The following ATF3 variants were observed in gnomAD, a reference collection of about 807,000 sequenced individuals.
ATF3 encodes the protein cyclic AMP-dependent transcription factor ATF-3.
ATF3 carries 10 observed loss-of-function variants against 18.4 expected under a neutral mutation model. That is an observed-to-expected ratio of 0.54 (90% CI 0.34 to 0.92). The LOEUF is 0.92. Among genes scored for constraint, ATF3 ranks in the 40% least tolerant of loss-of-function variants. The probability of loss-of-function intolerance (pLI) is 0.02; values close to 1 mark genes in which losing one functional copy is unlikely to be tolerated. For missense variants in ATF3, 183 were observed against 222.3 expected, an observed-to-expected ratio of 0.82 and a Z score of 1.12; for synonymous variants, 78 against 87.9, an observed-to-expected ratio of 0.89 and a Z score of 0.63.
intron 1 of ATF3, among the ~76,000 whole-genome samples, chr1:212,575,211 T>A (rs1241534962): frequency 6.6e-6 from 1 of 152,146 alleles, no homozygotes; most frequent in East Asian, 1.9e-4. Flanking sequence ...TTAGGTCTTC[T>A]TGTATTTTAT....
chr1:212,588,885 A>G (rs1443369988), intron 1 of ATF3, among the ~76,000 whole-genome samples: 2 of 152,256 alleles, frequency 1.3e-5, no homozygotes, highest in African/African-American at 2.4e-5. Flanking sequence ...AAATGATGCC[A>G]TATTTTAGTC....
chr1:212,615,253 A>G lies in ATF3; in HGVS notation c.232A>G (p.Lys78Glu). 1.2e-6 allele frequency: 2 copies of G among 1,613,806 alleles called. No individual in the cohort carries two copies. Among genetic ancestry groups the G allele is most frequent in the Non-Finnish European group, 1.7e-6 (2 of 1,179,734 alleles). ...CAGACCCCTCGGGGTGTCCATCACA[A>G]AAGCCGAGGTGGGTTCTATCACAGG... ...SDRPLGVSIT[K>E]AEVAPEEDER... Residue 78 changes from lysine to glutamate, a missense_variant, in exon 2 of 4, where the codon AAA (lysine) becomes GAA (glutamate). Physicochemically the swap from Lys to Glu is moderately conservative, Grantham distance 56. Coordinates refer to ENST00000341491, the MANE Select transcript of ATF3 (RefSeq NM_001674.4).
At chr1:212,565,691 G>A (rs752527276) in intron 1 of ATF3, among the ~76,000 whole-genome samples, 1 of 152,146 alleles carries the variant, frequency 6.6e-6, no homozygotes, top group Admixed American at 6.5e-5. Context: ...GAAAAGTCCT[G>A]GAGTTAGGGT....
intron 1 of ATF3, among the ~76,000 whole-genome samples, chr1:212,594,447 G>A (rs993728035): frequency 2.4e-4 from 37 of 152,308 alleles, no homozygotes; most frequent in African/African-American, 8.9e-4. Context: ...ATTTTCCAGA[G>A]TTGGCATTGT....
chr1:212,620,075 A>G lies in ATF3; in HGVS notation c.*520A>G, dbSNP rs891037156. The stretch of plus-strand genomic sequence containing the variant: ...ATTGTGTGTGCAAGAAAACTAGGCA[A>G]TGTACTCTTCCGATGTTTGTGTCAC... On this transcript the variant is annotated 3_prime_UTR_variant, in exon 4 of 4. Transcript: ENST00000341491. 10 of 181,840 alleles carry G rather than the reference A, an allele frequency of 5.5e-5. No homozygotes were observed. Among genetic ancestry groups the G allele is most frequent in the African/African-American group, 2.1e-4 (9 of 42,310 alleles). The allele number at this position is 181,840 out of a possible 1,614,324, so 11.3% of individuals were successfully genotyped here. A position where few individuals can be genotyped will look rare whatever the true frequency, so the allele number is the denominator to read the frequency against.
intron 1 of ATF3, among the ~76,000 whole-genome samples, chr1:212,588,570 G>A (rs1304724247): frequency 1.3e-5 from 2 of 152,078 alleles, no homozygotes; most frequent in African/African-American, 4.8e-5. Context: ...TTTTATCAAA[G>A]TAATACATGT....
chr1:212,616,785 C>T (rs1168176838), intron 2 of ATF3, among the ~76,000 whole-genome samples: 1 of 152,030 alleles, frequency 6.6e-6, no homozygotes, highest in Admixed American at 6.5e-5. Flanking sequence ...GAAGGTAAAG[C>T]TGATTTGCTG....
chr1:212,597,411 A>AT (rs1364127061), intron 1 of ATF3, among the ~76,000 whole-genome samples: 2 of 97,324 alleles, frequency 2.1e-5, no homozygotes, highest in African/African-American at 8.4e-5. Flanking sequence ...GTACTGAGTT[A>AT]CATCTATTTA....
chr1:212,614,875 A>C, intron 1 of ATF3, 143 bp from the exon 2 acceptor site: 1 of 1,472,250 alleles, frequency 6.8e-7, no homozygotes, highest in Non-Finnish European at 9.3e-7. Flanking sequence ...ATGGCATGAA[A>C]TGAAAACAAA....
rs1456874910 is a variant in ATF3, at chr1:212,619,131, T to C, written c.349-227T>C. ...GGTATCTGAACTGCAGCTTCAGTAT[T>C]AGCAGAGCCACAGGCCGCCTCTGTG... On this transcript the variant is annotated intron_variant, in intron 3 of 3. Coordinates refer to ENST00000341491, the MANE Select transcript of ATF3 (RefSeq NM_001674.4). This position sits in a 1 kb window ranked among gnomAD's most constrained non-coding sequence, Gnocchi z 4.4. 1 of 1,614,016 alleles carries C rather than the reference T, an allele frequency of 6.2e-7. No individual in the cohort carries two copies.
At chr1:212,570,628 C>T (rs1404082122) in intron 1 of ATF3, among the ~76,000 whole-genome samples, 1 of 152,214 alleles carries the variant, frequency 6.6e-6, no homozygotes, top group East Asian at 1.9e-4. Flanking sequence ...GGTCCTCACT[C>T]CTACTCTACC....
At chr1:212,570,466 T>C (rs1051889313) in intron 1 of ATF3, among the ~76,000 whole-genome samples, 1 of 152,218 alleles carries the variant, frequency 6.6e-6, no homozygotes, top group African/African-American at 2.4e-5. Flanking sequence ...TATGACTTTT[T>C]CAGGTGATGG....
At chr1:212,572,761 A>G (rs1664508370) in intron 1 of ATF3, among the ~76,000 whole-genome samples, 1 of 152,116 alleles carries the variant, frequency 6.6e-6, no homozygotes, top group African/African-American at 2.4e-5. Context: ...TCGCATTCTC[A>G]TTATAGCTTT....
In ATF3 at chr1:212,570,093, T is replaced by A. The variant is rs372492096; in HGVS notation, c.-5+4610T>A. 2.6e-5 allele frequency among the ~76,000 whole-genome samples: 4 copies of A among 151,890 alleles called. No homozygotes were observed. The East Asian group carries it at 7.7e-4, about 29-fold the overall frequency. On this transcript the variant is annotated intron_variant, in intron 1 of 3. Transcript: ENST00000366981. Reference sequence around the variant, plus strand: ...TTAATATCTGCAGTGATTTAAAATGTTTTATAATATGTAAAATATACCAAC... The same window carrying A: ...TTAATATCTGCAGTGATTTAAAATGATTTATAATATGTAAAATATACCAAC...
chr1:212,610,719 C>T (rs1238591360), intron 1 of ATF3, among the ~76,000 whole-genome samples: 1 of 152,158 alleles, frequency 6.6e-6, no homozygotes, highest in African/African-American at 2.4e-5. Context: ...TCAAAGTCTC[C>T]TCTGTGATTG....
chr1:212,617,636 G>C (rs773638012), intron 2 of ATF3, among the ~76,000 whole-genome samples: 4 of 152,164 alleles, frequency 2.6e-5, no homozygotes, highest in Non-Finnish European at 2.9e-5. Context: ...CTGGTGCTCT[G>C]ATGCTCCAGG....
intron 1 of ATF3, among the ~76,000 whole-genome samples, chr1:212,583,828 C>T (rs1664729570): frequency 1.3e-5 from 2 of 152,200 alleles, no homozygotes; most frequent in South Asian, 2.1e-4. Flanking sequence ...CATCAGTTTC[C>T]TTTTTTTAAA....
chr1:212,574,919 C>T (rs1033246619), intron 1 of ATF3, among the ~76,000 whole-genome samples: 1 of 151,982 alleles, frequency 6.6e-6, no homozygotes, highest in Non-Finnish European at 1.5e-5. Context: ...AAGACAAGTC[C>T]TGCTACCCTA....
At chr1:212,596,104 A>G (rs1664989461) in intron 1 of ATF3, among the ~76,000 whole-genome samples, 1 of 152,250 alleles carries the variant, frequency 6.6e-6, no homozygotes, top group Non-Finnish European at 1.5e-5. Flanking sequence ...CGATGAATTA[A>G]TATTCCTTCA....
Sources: allele counts gnomAD v4.1 joint callset (sites outside exome capture counted in the v4.1 genomes callset), GRCh38; gene constraint gnomAD v4.1.1; non-coding constraint Gnocchi (gnomAD v3.1); transcripts MANE v1.5; gene names NCBI Gene and HGNC (gene_info 2026-07-23, HGNC 2026-07-21).